Variants in EXT1 observed in about 807,000 individuals in gnomAD.
The protein encoded by EXT1 is exostosin-1.
A neutral mutation model predicts 82.5 loss-of-function variants in EXT1; 20 were observed. That is an observed-to-expected ratio of 0.24 (90% CI 0.17 to 0.35). EXT1 has a LOEUF of 0.35. EXT1 is among the 10% of genes least tolerant of loss of function. The probability of loss-of-function intolerance (pLI) is 1.00; values close to 1 mark genes in which losing one functional copy is unlikely to be tolerated. For synonymous variants in EXT1, 348 were observed against 350.8 expected (o/e 0.99, Z 0.09); for missense variants, 757 against 936.5 (o/e 0.81, Z 2.50).
At chr8:117,996,664 G>A (rs751759307) in intron 1 of EXT1, among the ~76,000 whole-genome samples, 15 of 152,074 alleles carry the variant, frequency 9.9e-5, no homozygotes, top group Non-Finnish European at 1.6e-4. Flanking sequence ...ATGCAGACTC[G>A]GTAACCAGAA....
chr8:117,925,033 G>GA (rs1345706696), intron 1 of EXT1, among the ~76,000 whole-genome samples: 2 of 151,846 alleles, frequency 1.3e-5, no homozygotes, highest in Admixed American at 6.6e-5. Context: ...TTTCCATGGA[G>GA]AAAAAAAATT....
chr8:117,951,392 A>T (rs982596351), intron 1 of EXT1, among the ~76,000 whole-genome samples: 2 of 152,112 alleles, frequency 1.3e-5, no homozygotes, highest in Admixed American at 1.3e-4. Context: ...TGTTTTTGTG[A>T]TTTTCTCAAA....
At chr8:118,039,465 C>T (rs535770198) in intron 1 of EXT1, among the ~76,000 whole-genome samples, 52 of 148,702 alleles carry the variant, frequency 3.5e-4, no homozygotes, top group African/African-American at 1.1e-3. Context: ...GAGGCTGACT[C>T]GGAAGAATCG....
At chr8:117,828,633 A>C (rs1812046751) in intron 4 of EXT1, among the ~76,000 whole-genome samples, 1 of 152,196 alleles carries the variant, frequency 6.6e-6, no homozygotes, top group Non-Finnish European at 1.5e-5. Context: ...GGGTAACTCT[A>C]TTAGCTACTG....
intron 4 of EXT1, 115 bp from the exon 5 acceptor site, chr8:117,822,712 C>CTT: frequency 8.8e-7 from 1 of 1,136,640 alleles, no homozygotes; most frequent in Non-Finnish European, 1.3e-6. Flanking sequence ...CTCTACCCTC[C>CTT]CTCCCACTTT....
chr8:117,814,077 A>G (rs139710324), intron 7 of EXT1, among the ~76,000 whole-genome samples: 4 of 151,812 alleles, frequency 2.6e-5, no homozygotes, highest in East Asian at 1.9e-4. Context: ...GGAGGAGGAG[A>G]AGAAGGAGAA....
chr8:118,051,654 CAG>C (rs1319379940), intron 1 of EXT1, among the ~76,000 whole-genome samples: 1 of 152,186 alleles, frequency 6.6e-6, no homozygotes, highest in Non-Finnish European at 1.5e-5. Context: ...TATGGAGGTA[CAG>C]AGTTAACTTA....
At chr8:118,097,918 C>T (rs1817649721) in intron 1 of EXT1, among the ~76,000 whole-genome samples, 1 of 152,094 alleles carries the variant, frequency 6.6e-6, no homozygotes, top group Non-Finnish European at 1.5e-5. Context: ...AGAATTTGGC[C>T]TTGTCTGAGG....
intron 9 of EXT1, 81 bp downstream of exon 9, chr8:117,807,136 T>C (rs1236505030): frequency 3.2e-6 from 5 of 1,551,480 alleles, no homozygotes; most frequent in Non-Finnish European, 4.5e-6. Context: ...GTTAACAAGA[T>C]TTGGCCTTAG....
At chr8:117,931,485 G>A (rs1814061301) in intron 1 of EXT1, among the ~76,000 whole-genome samples, 1 of 151,706 alleles carries the variant, frequency 6.6e-6, no homozygotes, top group African/African-American at 2.4e-5. Context: ...TATGAGAGAG[G>A]GAGGGAAGGA....
intron 3 of EXT1, chr8:117,831,513 C>A: frequency 2.2e-6 from 1 of 458,516 alleles, no homozygotes. Flanking sequence ...CTATTTTCAC[C>A]TACAGTTCAA....
chr8:117,822,331 C>T, intron 5 of EXT1, 134 bp downstream of exon 5: 10 of 1,013,104 alleles, frequency 9.9e-6, no homozygotes, highest in Non-Finnish European at 1.5e-5. Context: ...TCACTTATAA[C>T]AAGGCTCTAG....
intron 1 of EXT1, among the ~76,000 whole-genome samples, chr8:117,853,972 G>A (rs890897560): frequency 1.3e-5 from 2 of 152,244 alleles, no homozygotes; most frequent in African/African-American, 4.8e-5. Context: ...TGCTGGGATG[G>A]TACACTCAGG....
chr8:117,973,949 G>GGAAGGAAGGAAGGAAGGAAGGAAT (rs1815014026), intron 1 of EXT1, among the ~76,000 whole-genome samples: 1 of 146,782 alleles, frequency 6.8e-6, no homozygotes, highest in South Asian at 2.2e-4. Context: ...AAGGAAGGAA[G>GGAAGGAAGGAAGGAAGGAAGGAAT]GAAGGAAGGA....
intron 1 of EXT1, among the ~76,000 whole-genome samples, chr8:117,889,444 A>G (rs1813204459): frequency 6.6e-6 from 1 of 152,140 alleles, no homozygotes. Context: ...CATTTTTTTA[A>G]TCTATAAGCA....
At chr8:117,864,958 T>A (rs182236800) in intron 1 of EXT1, among the ~76,000 whole-genome samples, 4,093 of 151,986 alleles carry the variant, frequency 0.027, 189 homozygotes, top group African/African-American at 0.094. Context: ...CTGTTTTTTT[T>A]TAAAAAAATA....
chr8:118,058,578 C>T (rs553072899), intron 1 of EXT1, among the ~76,000 whole-genome samples: 1 of 152,248 alleles, frequency 6.6e-6, no homozygotes, highest in African/African-American at 2.4e-5. Context: ...AAAGCTTAGA[C>T]ATATCTTTCA....
intron 1 of EXT1, among the ~76,000 whole-genome samples, chr8:118,085,854 T>C (rs1817408772): frequency 6.6e-6 from 1 of 152,208 alleles, no homozygotes; most frequent in African/African-American, 2.4e-5. Context: ...TATCCTCTGA[T>C]AATCTATTTT....
intron 1 of EXT1, among the ~76,000 whole-genome samples, chr8:118,016,935 G>A (rs188592827): frequency 2.8e-4 from 42 of 152,280 alleles, no homozygotes; most frequent in Admixed American, 1.7e-3. Context: ...GGTTATAGAC[G>A]TGTTCACTTT....
Sources: gnomAD v4.1 joint callset for allele counts (sites outside exome capture counted in the v4.1 genomes callset) on GRCh38, gnomAD v4.1.1 for gene constraint, MANE v1.5 for transcripts, NCBI Gene and HGNC (gene_info 2026-07-23, HGNC 2026-07-21) for gene names.